The following TTC29 variants were observed in gnomAD, a reference collection of about 807,000 sequenced individuals.
TTC29 encodes the protein tetratricopeptide repeat domain 29.
Under a neutral mutation model 58.1 loss-of-function variants are expected in TTC29, and 49 were observed. The ratio of observed to expected loss-of-function variants is 0.84; its 90% CI spans 0.67 to 1.07. TTC29 has a LOEUF of 1.07. Ranked by LOEUF, TTC29 falls within the 50% of genes least tolerant of loss-of-function variation. The pLI is 0.00. For synonymous variants in TTC29, 209 were observed against 196.8 expected (o/e 1.06, Z -0.52); for missense variants, 582 against 555.6 (o/e 1.05, Z -0.48).
At chr4:146,913,947 T>C (rs978064337) in intron 4 of TTC29, among the ~76,000 whole-genome samples, 2 of 152,162 alleles carry the variant, frequency 1.3e-5, no homozygotes, top group Non-Finnish European at 2.9e-5. Context: ...ATGTTACAAA[T>C]AGAAATGTAT....
chr4:146,759,488 A>G (rs901546649), intron 11 of TTC29, among the ~76,000 whole-genome samples: 3 of 152,102 alleles, frequency 2.0e-5, no homozygotes, highest in Non-Finnish European at 2.9e-5. Context: ...ACCAAAAAAG[A>G]AAACTACAGA....
At chr4:146,939,694 C>T (rs1162843153) in intron 3 of TTC29, 110 bp downstream of exon 3, 4 of 990,116 alleles carry the variant, frequency 4.0e-6, no homozygotes, top group South Asian at 1.6e-5. Context: ...TATAACAAGG[C>T]ATTTTTCTCT....
At chr4:146,835,765 G>GA (rs1182325434) in intron 8 of TTC29, among the ~76,000 whole-genome samples, 3 of 152,116 alleles carry the variant, frequency 2.0e-5, no homozygotes, top group African/African-American at 7.2e-5. Context: ...CATGGGCTCT[G>GA]AAGCACATGG....
intron 10 of TTC29, among the ~76,000 whole-genome samples, chr4:146,805,005 G>A (rs1313653290): frequency 6.6e-6 from 1 of 152,108 alleles, no homozygotes; most frequent in East Asian, 1.9e-4. Context: ...CATCTGGAGG[G>A]TGCCCCTCTG....
chr4:146,720,220 A>C (rs1054721909), intron 11 of TTC29, among the ~76,000 whole-genome samples: 2 of 152,178 alleles, frequency 1.3e-5, no homozygotes, highest in Admixed American at 1.3e-4. Flanking sequence ...AGGATTTAGT[A>C]AGACTCTAAG....
intron 10 of TTC29, among the ~76,000 whole-genome samples, chr4:146,817,629 A>C (rs1751503264): frequency 6.6e-6 from 1 of 152,192 alleles, no homozygotes; most frequent in Non-Finnish European, 1.5e-5. Flanking sequence ...CACCAAGTCA[A>C]TCCTAAGCCA....
At chr4:146,777,027 G>A (rs1428876042) in intron 11 of TTC29, among the ~76,000 whole-genome samples, 4 of 152,082 alleles carry the variant, frequency 2.6e-5, no homozygotes, top group Non-Finnish European at 5.9e-5. Context: ...TGCAGGGAGG[G>A]GTGGGGTTAC....
intron 11 of TTC29, among the ~76,000 whole-genome samples, chr4:146,729,427 C>T (rs903697489): frequency 6.6e-6 from 1 of 151,878 alleles, no homozygotes; most frequent in Admixed American, 6.6e-5. Flanking sequence ...AGACTTTTTT[C>T]CGAGTTCATT....
chr4:146,758,272 G>T (rs1746606311), intron 11 of TTC29, among the ~76,000 whole-genome samples: 1 of 152,078 alleles, frequency 6.6e-6, no homozygotes, highest in Non-Finnish European at 1.5e-5. Flanking sequence ...AAAAGGCCTT[G>T]TCCAACAGGA....
chr4:146,808,842 A>G (rs1000818004), intron 10 of TTC29, among the ~76,000 whole-genome samples: 6 of 152,232 alleles, frequency 3.9e-5, no homozygotes, highest in Admixed American at 2.6e-4. Context: ...TGCTATCCCC[A>G]TGAAGCTACC....
chr4:146,849,747 C>T (rs1394676167), intron 8 of TTC29, among the ~76,000 whole-genome samples: 1 of 152,138 alleles, frequency 6.6e-6, no homozygotes, highest in Non-Finnish European at 1.5e-5. Context: ...ACTCTTCTCC[C>T]CTTTTGCTTT....
intron 4 of TTC29, among the ~76,000 whole-genome samples, chr4:146,933,688 T>C (rs187976454): frequency 6.6e-6 from 1 of 152,338 alleles, no homozygotes; most frequent in East Asian, 1.9e-4. Context: ...TACAATGGAT[T>C]TGATTTTTTT....
intron 8 of TTC29, 70 bp from the exon 9 acceptor site, chr4:146,833,967 G>T (rs1013877011): frequency 9.4e-6 from 10 of 1,069,152 alleles, no homozygotes; most frequent in Non-Finnish European, 1.2e-5. Context: ...TTTCATAACA[G>T]AAAAAAATAA....
intron 4 of TTC29, among the ~76,000 whole-genome samples, chr4:146,921,644 C>T (rs1734587460): frequency 6.6e-6 from 1 of 150,726 alleles, no homozygotes; most frequent in East Asian, 1.9e-4. Context: ...AAACAATGCA[C>T]CTAATAATAT....
chr4:146,736,726 C>A (rs1002475083), intron 11 of TTC29, among the ~76,000 whole-genome samples: 4 of 152,144 alleles, frequency 2.6e-5, no homozygotes, highest in Admixed American at 2.6e-4. Context: ...GATCCTGAAA[C>A]CTGAAATACT....
chr4:146,727,187 C>T (rs1164740080), intron 11 of TTC29, among the ~76,000 whole-genome samples: 1 of 151,836 alleles, frequency 6.6e-6, no homozygotes, highest in Non-Finnish European at 1.5e-5. Context: ...AGATATCATT[C>T]TCTCTCTCTT....
At chr4:146,857,172 A>C (rs1323342880) in intron 8 of TTC29, among the ~76,000 whole-genome samples, 2 of 152,170 alleles carry the variant, frequency 1.3e-5, no homozygotes, top group African/African-American at 4.8e-5. Flanking sequence ...TAATGGTTTT[A>C]AAAAACCCTT....
At chr4:146,821,730 G>C (rs565144143) in intron 9 of TTC29, among the ~76,000 whole-genome samples, 1 of 152,290 alleles carries the variant, frequency 6.6e-6, no homozygotes, top group African/African-American at 2.4e-5. Context: ...TAGATGTTTG[G>C]AGTCTATGAT....
intron 9 of TTC29, among the ~76,000 whole-genome samples, chr4:146,826,349 G>C (rs1579769892): frequency 6.6e-6 from 1 of 152,064 alleles, no homozygotes; most frequent in South Asian, 2.1e-4. Flanking sequence ...AAAGGATTTT[G>C]TTTCTCATTC....
Sources: gnomAD v4.1 joint callset for allele counts (sites outside exome capture counted in the v4.1 genomes callset) on GRCh38, gnomAD v4.1.1 for gene constraint, MANE v1.5 for transcripts, NCBI Gene and HGNC (gene_info 2026-07-23, HGNC 2026-07-21) for gene names.